The following FSHR variants were observed in gnomAD, a reference collection of about 807,000 sequenced individuals.
FSHR encodes follicle stimulating hormone receptor.
In FSHR, 46 loss-of-function variants were observed where a neutral mutation model predicts 52.1. The observed-to-expected ratio is 0.88, with a 90% CI of 0.70 to 1.13. FSHR has a LOEUF of 1.13. Among genes scored for constraint, FSHR ranks in the 50% most tolerant of loss-of-function variants. The pLI, the probability that FSHR is intolerant of heterozygous loss-of-function variation, is 0.00. For synonymous variants in FSHR, 399 were observed against 309.6 expected (o/e 1.29, Z -3.03); for missense variants, 964 against 834.6 (o/e 1.16, Z -1.91).
At chr2:48,975,624 C>T (rs973311951) in intron 8 of FSHR, among the ~76,000 whole-genome samples, 1 of 152,048 alleles carries the variant, frequency 6.6e-6, no homozygotes, top group African/African-American at 2.4e-5. Context: ...GCCATGTGAG[C>T]CAATGTCCCT....
chr2:49,020,143 T>A lies in FSHR; in HGVS notation c.242A>T (p.Asp81Val). Residue 81 changes from aspartate (D) to valine (V), a missense_variant, in exon 3 of 10, where the codon GAT (aspartate) becomes GTT (valine). Coordinates refer to ENST00000406846, the MANE Select transcript of FSHR (RefSeq NM_000145.4). ...ATCTGCCTCTATCACCTCCAAGACA[T>A]CATTCTGAGAGATCTCTCTGTGGAG... ...DLEKIEISQN[D>V]VLEVIEADVF... The A allele has an allele frequency of 1.2e-6, 2 of 1,613,500 alleles. No individual in the cohort carries two copies. Among genetic ancestry groups the A allele is most frequent in the Non-Finnish European group, 1.7e-6 (2 of 1,179,488 alleles).
chr2:49,038,557 G>A (rs574885504), intron 2 of FSHR, among the ~76,000 whole-genome samples: 4 of 150,072 alleles, frequency 2.7e-5, no homozygotes, highest in Non-Finnish European at 4.4e-5. Flanking sequence ...CCTGGGAGGC[G>A]GAGCTTGCAG....
intron 8 of FSHR, among the ~76,000 whole-genome samples, chr2:48,977,273 A>G (rs1675033460): frequency 6.6e-6 from 1 of 152,178 alleles, no homozygotes; most frequent in South Asian, 2.1e-4. Flanking sequence ...GGGCAATCAT[A>G]CTTGGAGGAG....
chr2:49,041,740 C>T (rs764236259), intron 2 of FSHR, among the ~76,000 whole-genome samples: 2 of 151,816 alleles, frequency 1.3e-5, no homozygotes, highest in African/African-American at 2.4e-5. Context: ...AGGAAGAAGA[C>T]AGACTCTCTC....
intron 1 of FSHR, among the ~76,000 whole-genome samples, chr2:49,123,383 A>G (rs1671887191): frequency 6.6e-6 from 1 of 152,094 alleles, no homozygotes; most frequent in Non-Finnish European, 1.5e-5. Flanking sequence ...GCTACTAGGG[A>G]GGCTGAGGTA....
At chr2:49,015,244 C>T (rs1558390763) in intron 4 of FSHR, among the ~76,000 whole-genome samples, 1 of 152,040 alleles carries the variant, frequency 6.6e-6, no homozygotes, top group Non-Finnish European at 1.5e-5. Context: ...CTTTTCCATT[C>T]TGTTCATTTA....
chr2:48,985,935 G>A (rs1372034821), intron 6 of FSHR, among the ~76,000 whole-genome samples: 2 of 151,496 alleles, frequency 1.3e-5, no homozygotes, highest in Non-Finnish European at 1.5e-5. Context: ...GGATGGTCTC[G>A]ATTTCCTGAC....
At position 49,010,759 on chromosome 2, in the gene FSHR, G is replaced by A. The variant is rs1008006131; in HGVS notation, c.374+6730C>T. ...ACTTCTTCCTGGTTTAGTCTTGGAAGAATGTATGTGTCAAGGAATTTATCC... is the reference window on the plus strand; with the variant it reads ...ACTTCTTCCTGGTTTAGTCTTGGAAAAATGTATGTGTCAAGGAATTTATCC... On this transcript the variant is annotated intron_variant, in intron 4 of 9. Transcript: ENST00000406846. Among the ~76,000 whole-genome samples, 1,416 of 152,142 alleles carry A rather than the reference G, an allele frequency of 9.3e-3. 18 individuals are homozygous for A. Among genetic ancestry groups the A allele is most frequent in the Middle Eastern group, 0.037 (11 of 294 alleles).
intron 2 of FSHR, among the ~76,000 whole-genome samples, chr2:49,035,498 A>C (rs999371508): frequency 6.6e-6 from 1 of 152,122 alleles, no homozygotes; most frequent in African/African-American, 2.4e-5. Flanking sequence ...CTCTGTGGCT[A>C]TGCCTACCTT....
chr2:49,077,314 C>T (rs1377527705), intron 1 of FSHR, among the ~76,000 whole-genome samples: 2 of 152,232 alleles, frequency 1.3e-5, no homozygotes, highest in Non-Finnish European at 2.9e-5. Flanking sequence ...GGCTTGCACC[C>T]TCTGAAGCTA....
intron 2 of FSHR, among the ~76,000 whole-genome samples, chr2:49,066,207 T>C (rs996596851): frequency 1.3e-5 from 2 of 152,256 alleles, no homozygotes; most frequent in African/African-American, 4.8e-5. Flanking sequence ...TTATACAGAA[T>C]ACTTTTCTTT....
At chr2:49,078,620 A>G (rs1248179279) in intron 1 of FSHR, among the ~76,000 whole-genome samples, 9 of 142,014 alleles carry the variant, frequency 6.3e-5, no homozygotes, top group Admixed American at 6.1e-4. Context: ...ATATAAATAA[A>G]TTAAAAGAGA....
intron 1 of FSHR, among the ~76,000 whole-genome samples, chr2:49,152,859 A>C (rs1673111768): frequency 6.6e-6 from 1 of 152,248 alleles, no homozygotes; most frequent in Non-Finnish European, 1.5e-5. Context: ...GTAATCACTG[A>C]AAGTCACTTA....
chr2:48,971,071 T>C (rs1674720607), intron 8 of FSHR, among the ~76,000 whole-genome samples: 1 of 152,238 alleles, frequency 6.6e-6, no homozygotes. Context: ...TGTGACTTCC[T>C]GCTTAAGACC....
intron 1 of FSHR, among the ~76,000 whole-genome samples, chr2:49,091,219 C>A (rs1056254109): frequency 6.6e-6 from 1 of 151,524 alleles, no homozygotes; most frequent in Non-Finnish European, 1.5e-5. Context: ...GTGTTTTTGT[C>A]TAAGTTTTTT....
chr2:49,031,204 G>T (rs1450997652), intron 2 of FSHR, among the ~76,000 whole-genome samples: 1 of 152,198 alleles, frequency 6.6e-6, no homozygotes, highest in East Asian at 1.9e-4. Flanking sequence ...TGCGGAGGGA[G>T]AAGAGAAACC....
intron 4 of FSHR, chr2:49,014,896 A>G (rs1281537429): frequency 8.5e-6 from 4 of 470,238 alleles, no homozygotes; most frequent in African/African-American, 2.0e-5. Context: ...TGAAGGCTCT[A>G]TGATCCCCAT....
At chr2:49,013,481 A>AATATATATATAT (rs1667357349) in intron 4 of FSHR, among the ~76,000 whole-genome samples, 1 of 115,058 alleles carries the variant, frequency 8.7e-6, no homozygotes, top group African/African-American at 3.1e-5. Flanking sequence ...TATATATATA[A>AATATATATATAT]ATAAATATAT....
intron 1 of FSHR, among the ~76,000 whole-genome samples, chr2:49,151,619 G>C (rs1189939838): frequency 6.6e-6 from 1 of 152,124 alleles, no homozygotes; most frequent in Non-Finnish European, 1.5e-5. Context: ...CACCCGGTGA[G>C]CCTGAGTAAC....
Sources: gnomAD v4.1 joint callset for allele counts (sites outside exome capture counted in the v4.1 genomes callset) on GRCh38, gnomAD v4.1.1 for gene constraint, MANE v1.5 for transcripts, NCBI Gene and HGNC (gene_info 2026-07-23, HGNC 2026-07-21) for gene names.